Variants in CD302 observed in about 807,000 individuals in gnomAD.
The protein encoded by CD302 is CD302 molecule, also known as CD302 antigen.
Under a neutral mutation model 26.5 loss-of-function variants are expected in CD302, and 23 were observed. That is an observed-to-expected ratio of 0.87 (90% CI 0.62 to 1.23). CD302 has a LOEUF of 1.23. Ranked by LOEUF, CD302 falls within the 50% of genes most tolerant of loss-of-function variation. CD302 has a pLI of 0.00. For synonymous variants in CD302, 90 were observed against 99.4 expected, an observed-to-expected ratio of 0.91 and a Z score of 0.56; for missense variants, 290 against 275.5, an observed-to-expected ratio of 1.05 and a Z score of -0.37.
At chr2:159,785,292 C>G (rs1708637724) in intron 1 of CD302, among the ~76,000 whole-genome samples, 1 of 151,928 alleles carries the variant, frequency 6.6e-6, no homozygotes, top group Non-Finnish European at 1.5e-5. Context: ...TATTTTATAT[C>G]CAAATTTTTT....
At chr2:159,778,025 T>C (rs1233324679) in intron 4 of CD302, 61 bp from the exon 5 acceptor site, 4 of 670,520 alleles carry the variant, frequency 6.0e-6, no homozygotes, top group East Asian at 5.1e-5. Context: ...GGATTGACTT[T>C]AAACATGTTC....
At position 159,780,022 on chromosome 2, in the gene CD302, G is replaced by C. The variant is rs1338105739; in HGVS notation, c.452C>G (p.Thr151Arg). Reference sequence around the variant, plus strand: ...ATACTTACTAGCTGTTTTGCATAGTGTTCCTTCCACAGAAGAAACTTCACA... The same window carrying C: ...ATACTTACTAGCTGTTTTGCATAGTCTTCCTTCCACAGAAGAAACTTCACA... ...GNCEVSSVEG[T>R]LCKTAIPYKR... The change falls in exon 4 of 6, where the codon ACA (threonine) becomes AGA (arginine). Residue 151 changes from threonine (T) to arginine (R), a missense_variant. Thr to Arg is a moderately conservative substitution (Grantham distance 71). Transcript: ENST00000259053. 1 of 1,613,846 alleles carries C rather than the reference G, an allele frequency of 6.2e-7. No homozygotes were observed. The highest frequency in any genetic ancestry group is 1.1e-5 in the South Asian group (1 of 91,052).
intron 1 of CD302, among the ~76,000 whole-genome samples, chr2:159,793,455 C>T (rs1405264437): frequency 1.3e-5 from 2 of 151,506 alleles, no homozygotes; most frequent in East Asian, 3.9e-4. Context: ...AAAACAGGCA[C>T]AGCATGAGGA....
At chr2:159,793,011 G>C (rs1708850765) in intron 1 of CD302, among the ~76,000 whole-genome samples, 1 of 152,230 alleles carries the variant, frequency 6.6e-6, no homozygotes, top group Non-Finnish European at 1.5e-5. Context: ...TGAGGAGATT[G>C]TTGACGTTCA....
intron 4 of CD302, 91 bp downstream of exon 4, chr2:159,779,914 A>C: frequency 6.9e-7 from 1 of 1,452,266 alleles, no homozygotes; most frequent in Non-Finnish European, 9.3e-7. Context: ...TATTCTATTT[A>C]TTGAGGCACA....
Position 159,783,341 on chromosome 2 carries a change from AAAG to A in CD302, c.178+15_178+17del. The A allele has an allele frequency of 6.5e-7, 1 of 1,546,796 alleles. No homozygotes were observed. The highest frequency in any genetic ancestry group is 8.7e-7 in the Non-Finnish European group (1 of 1,151,906). On this transcript the variant is annotated intron_variant, in intron 2 of 5. Transcript: ENST00000259053. ...ACTAATTTGTGAAAAAACAAACAGA[AAAG>A]AATAAGCCTTTTACCATGGTCAGTA...
At chr2:159,786,746 A>G (rs1009777715) in intron 1 of CD302, among the ~76,000 whole-genome samples, 1 of 152,322 alleles carries the variant, frequency 6.6e-6, no homozygotes, top group Admixed American at 6.5e-5. Flanking sequence ...CATACATGCA[A>G]TGCACAAGTC....
intron 2 of CD302, among the ~76,000 whole-genome samples, chr2:159,781,909 G>A (rs1708524295): frequency 1.3e-5 from 2 of 151,950 alleles, no homozygotes; most frequent in South Asian, 4.2e-4. Flanking sequence ...TTTGATTAAG[G>A]TATCCCTAGT....
At position 159,771,853 on chromosome 2, in the gene CD302, A is replaced by C; in HGVS notation, c.697T>G (p.Ter233GluextTer23). 8 of 1,613,636 alleles carry C rather than the reference A, an allele frequency of 5.0e-6. No homozygotes were observed. Among genetic ancestry groups the C allele is most frequent in the Middle Eastern group, 1.7e-4 (1 of 6,052 alleles). Residue 233 changes from the stop codon to glutamate (E), a stop_lost, in exon 6 of 6, where the codon TAA becomes GAA. Coordinates refer to ENST00000259053, the MANE Select transcript of CD302 (RefSeq NM_014880.5). ...CTTAGTGCAAGATTACCAAAAACTT[A>C]GTCAAATTGAACAGGATATTCATTT... The part of the protein sequence containing the change: ...EENEYPVQFD[*>E]
chr2:159,783,301 T>A, intron 2 of CD302, 58 bp downstream of exon 2: 1 of 1,368,498 alleles, frequency 7.3e-7, no homozygotes, highest in South Asian at 1.6e-5. Context: ...TTAAAGAAAT[T>A]AATGAACACT....
At chr2:159,772,401 T>C (rs1708179255) in intron 5 of CD302, among the ~76,000 whole-genome samples, 1 of 152,184 alleles carries the variant, frequency 6.6e-6, no homozygotes, top group Admixed American at 6.5e-5. Flanking sequence ...GGAATTCTAG[T>C]ATTTAGATAA....
intron 1 of CD302, among the ~76,000 whole-genome samples, chr2:159,797,345 T>G (rs1296856747): frequency 6.6e-6 from 1 of 152,192 alleles, no homozygotes; most frequent in African/African-American, 2.4e-5. Context: ...GTCAGTGGTG[T>G]TTTTGGAAGT....
rs557461441 is a variant in CD302 at position 159,794,813 on chromosome 2, G to A, written c.67+3319C>T. 3.8e-3 allele frequency among the ~76,000 whole-genome samples: 573 copies of A among 151,718 alleles called. 6 individuals carry two copies. Among genetic ancestry groups the A allele is most frequent in the Non-Finnish European group, 3.6e-3 (244 of 67,898 alleles). On this transcript the variant is annotated intron_variant, in intron 1 of 5. Coordinates refer to ENST00000259053, the MANE Select transcript of CD302 (RefSeq NM_014880.5). The stretch of plus-strand genomic sequence containing the variant: ...TCCACCCGCCTCGGCCTCCCAAAGT[G>A]CTGGGATTACAGGCGTGAGCCACCA...
intron 4 of CD302, among the ~76,000 whole-genome samples, chr2:159,779,068 A>G (rs1239648996): frequency 6.6e-6 from 1 of 151,416 alleles, no homozygotes; most frequent in Non-Finnish European, 1.5e-5. Flanking sequence ...CATCTCTACT[A>G]AAAAATACAA....
intron 5 of CD302, among the ~76,000 whole-genome samples, chr2:159,776,011 A>ATTTTTTTTTTTTTTTT (rs1342820508): frequency 1.5e-4 from 2 of 13,150 alleles, no homozygotes; most frequent in African/African-American, 3.1e-4. Flanking sequence ...CCGGGTTTCA[A>ATTTTTTTTTTTTTTTT]CTTTTTTTTT....
chr2:159,777,513 G>C (rs1490377230), intron 5 of CD302, among the ~76,000 whole-genome samples: 1 of 152,112 alleles, frequency 6.6e-6, no homozygotes, highest in Admixed American at 6.6e-5. Context: ...CTACTTTCTA[G>C]AATATACTCA....
At chr2:159,792,422 CTGTGTGTGTGTGTGTGTGTGTG>C (rs3138650) in intron 1 of CD302, among the ~76,000 whole-genome samples, 2 of 145,198 alleles carry the variant, frequency 1.4e-5, no homozygotes, top group African/African-American at 2.6e-5. Flanking sequence ...AGAACCAACT[CTGTGTGTGTGTGTGTGTGTGTG>C]TGTGTGTGTG....
chr2:159,790,306 T>C (rs866761922), intron 1 of CD302, among the ~76,000 whole-genome samples: 2 of 151,972 alleles, frequency 1.3e-5, no homozygotes, highest in African/African-American at 4.8e-5. Context: ...AGTGAGCATT[T>C]CAAAAAGTAG....
rs1166593446 is a variant in CD302, at chr2:159,769,650, A to G, written c.*2201T>C. The G allele has an allele frequency of 2.0e-5, 3 of 151,754 alleles. No homozygotes were observed. The allele number at this position is 151,754 out of a possible 1,614,324, so 9.4% of individuals were successfully genotyped here. A position where few individuals can be genotyped will look rare whatever the true frequency, so the allele number is the denominator to read the frequency against. ...AGCACAGTGAGACTCCATCATATAT[A>G]TATATATAGCACTTCATTACCAGAG... On this transcript the variant is annotated 3_prime_UTR_variant, in exon 6 of 6. Transcript: ENST00000259053.
Sources: allele counts gnomAD v4.1 joint callset (sites outside exome capture counted in the v4.1 genomes callset), GRCh38; gene constraint gnomAD v4.1.1; transcripts MANE v1.5; gene names NCBI Gene and HGNC (gene_info 2026-07-23, HGNC 2026-07-21).